Variants in KCND3 observed in about 807,000 individuals in gnomAD.
KCND3 encodes the protein potassium voltage-gated channel subfamily D member 3.
In KCND3, 9 loss-of-function variants were observed where a neutral mutation model predicts 51.1. The ratio of observed to expected loss-of-function variants is 0.18; its 90% confidence interval spans 0.11 to 0.31. The LOEUF (loss-of-function observed/expected upper bound fraction) is 0.31. Ranked by LOEUF, KCND3 falls within the 10% of genes least tolerant of loss-of-function variation. The pLI is 1.00. For missense variants in KCND3, 526 were observed against 903.8 expected (o/e 0.58, Z 5.36); for synonymous variants, 349 against 368.0 (o/e 0.95, Z 0.59).
chr1:111,950,917 T>C (rs2101905750), intron 2 of KCND3, among the ~76,000 whole-genome samples: 1 of 152,308 alleles, frequency 6.6e-6, no homozygotes. Context: ...ATGCCTGTAA[T>C]CCCAGCACTT....
At chr1:111,870,509 G>T (rs1055740777) in intron 2 of KCND3, among the ~76,000 whole-genome samples, 1 of 152,186 alleles carries the variant, frequency 6.6e-6, no homozygotes, top group Non-Finnish European at 1.5e-5. Context: ...AGGGTCAGCT[G>T]ATGCCAGTGC....
At chr1:111,977,856 T>C (rs1012720783) in intron 2 of KCND3, among the ~76,000 whole-genome samples, 6 of 152,358 alleles carry the variant, frequency 3.9e-5, no homozygotes, top group African/African-American at 9.6e-5. Context: ...TTGGTCTTAT[T>C]TAATATTGGG....
At chr1:111,883,988 G>A (rs1328187605) in intron 2 of KCND3, among the ~76,000 whole-genome samples, 2 of 152,194 alleles carry the variant, frequency 1.3e-5, no homozygotes, top group East Asian at 1.9e-4. Context: ...GTGGGATTCC[G>A]ATGCAGATCT....
At chr1:111,868,682 C>A (rs1231328641) in intron 2 of KCND3, among the ~76,000 whole-genome samples, 1 of 152,190 alleles carries the variant, frequency 6.6e-6, no homozygotes, top group African/African-American at 2.4e-5. Flanking sequence ...TCCATAATAA[C>A]ACTTTGAATT....
At chr1:111,988,302 G>A (rs1023794612) in intron 1 of KCND3, among the ~76,000 whole-genome samples, 1 of 152,080 alleles carries the variant, frequency 6.6e-6, no homozygotes, top group Non-Finnish European at 1.5e-5. Context: ...GACAGGCTTG[G>A]GACACACGCA....
At chr1:111,920,250 C>T (rs1484385217) in intron 2 of KCND3, among the ~76,000 whole-genome samples, 2 of 152,212 alleles carry the variant, frequency 1.3e-5, no homozygotes, top group African/African-American at 4.8e-5. Flanking sequence ...GGGCATGCAG[C>T]TGCATGGGCG....
chr1:111,820,249 C>T (rs1666285581), intron 2 of KCND3, among the ~76,000 whole-genome samples: 1 of 152,182 alleles, frequency 6.6e-6, no homozygotes, highest in African/African-American at 2.4e-5. Context: ...TGGAATTCCC[C>T]CCTGCTGGTT....
intron 2 of KCND3, among the ~76,000 whole-genome samples, chr1:111,979,394 T>C (rs1432659759): frequency 1.3e-5 from 2 of 152,214 alleles, no homozygotes; most frequent in Non-Finnish European, 2.9e-5. Flanking sequence ...GAAGGAAATG[T>C]TTTATTTTTA....
intron 2 of KCND3, among the ~76,000 whole-genome samples, chr1:111,794,920 G>A (rs536618508): frequency 6.4e-4 from 98 of 152,286 alleles, no homozygotes; most frequent in African/African-American, 2.2e-3. Flanking sequence ...CAGAACTGGG[G>A]CACAGACCAG....
rs574566715 is a variant in KCND3 at position 111,940,366 on chromosome 1, C to T, written c.1106+41255G>A. Among the ~76,000 whole-genome samples the T allele has an allele frequency of 2.1e-4, 32 of 152,104 alleles. No individual in the cohort carries two copies. In the East Asian group the frequency reaches 2.1e-3, roughly 10 times the overall value. ...CGGGTTTTTATGCTTTTAGGTCTTACGTTCAAGTCTTTAATCCATCTTGAG... is the reference window on the plus strand; with the variant it reads ...CGGGTTTTTATGCTTTTAGGTCTTATGTTCAAGTCTTTAATCCATCTTGAG... On this transcript the variant is annotated intron_variant, in intron 2 of 7. Transcript: ENST00000302127.
chr1:111,810,749 A>G (rs1665809292), intron 2 of KCND3, among the ~76,000 whole-genome samples: 1 of 152,226 alleles, frequency 6.6e-6, no homozygotes, highest in African/African-American at 2.4e-5. Context: ...CAAAAGGCAA[A>G]GGAACACTCC....
intron 2 of KCND3, among the ~76,000 whole-genome samples, chr1:111,891,691 T>A (rs17028970): frequency 2.6e-5 from 4 of 152,204 alleles, no homozygotes; most frequent in Non-Finnish European, 5.9e-5. Flanking sequence ...CCACAACTAG[T>A]ATGTAGATTC....
At chr1:111,883,387 C>G (rs1261495687) in intron 2 of KCND3, among the ~76,000 whole-genome samples, 2 of 152,256 alleles carry the variant, frequency 1.3e-5, no homozygotes, top group East Asian at 1.9e-4. Context: ...CTGCTTTGCT[C>G]AGCTCTTATC....
chr1:111,834,611 A>C (rs577425252), intron 2 of KCND3, among the ~76,000 whole-genome samples: 4 of 152,344 alleles, frequency 2.6e-5, no homozygotes, highest in Non-Finnish European at 5.9e-5. Flanking sequence ...CCAGGCTTTG[A>C]ACTTTTGCAA....
intron 2 of KCND3, among the ~76,000 whole-genome samples, chr1:111,904,279 C>A (rs1330036565): frequency 1.3e-5 from 2 of 151,906 alleles, no homozygotes; most frequent in African/African-American, 4.8e-5. Context: ...CCCAGAGGAC[C>A]CCCTATTTTG....
chr1:111,938,570 C>T (rs1672330014), intron 2 of KCND3, among the ~76,000 whole-genome samples: 1 of 152,098 alleles, frequency 6.6e-6, no homozygotes, highest in African/African-American at 2.4e-5. Flanking sequence ...AGTGGGGATG[C>T]AAATTTTATC....
intron 2 of KCND3, among the ~76,000 whole-genome samples, chr1:111,889,935 C>A (rs1669752480): frequency 6.6e-6 from 1 of 151,992 alleles, no homozygotes; most frequent in Non-Finnish European, 1.5e-5. Context: ...TGGGAACAGC[C>A]AATGAAAATG....
At chr1:111,870,380 G>T (rs1668776738) in intron 2 of KCND3, among the ~76,000 whole-genome samples, 1 of 152,206 alleles carries the variant, frequency 6.6e-6, no homozygotes, top group African/African-American at 2.4e-5. Flanking sequence ...TCATTCTGAT[G>T]CTGGACATCA....
At chr1:111,832,920 A>G (rs1057051932) in intron 2 of KCND3, among the ~76,000 whole-genome samples, 2 of 152,160 alleles carry the variant, frequency 1.3e-5, no homozygotes, top group Admixed American at 6.5e-5. Flanking sequence ...CCACCAGCAA[A>G]CAGACATCAT....
Sources: gnomAD v4.1 joint callset for allele counts (sites outside exome capture counted in the v4.1 genomes callset) on GRCh38, gnomAD v4.1.1 for gene constraint, MANE v1.5 for transcripts, NCBI Gene and HGNC (gene_info 2026-07-23, HGNC 2026-07-21) for gene names.